Variants in INSC observed in about 807,000 individuals in gnomAD.
The protein encoded by INSC is INSC spindle orientation adaptor protein, also known as protein inscuteable homolog.
INSC carries 67 observed loss-of-function variants against 58.6 expected under a neutral mutation model. The observed-to-expected ratio is 1.14, with a 90% CI of 0.94 to 1.40. The LOEUF (loss-of-function observed/expected upper bound fraction) is 1.40. Ranked by LOEUF, INSC falls within the 40% of genes most tolerant of loss-of-function variation. INSC has a pLI of 0.00. For missense variants in INSC, 714 were observed against 692.0 expected (o/e 1.03, Z -0.36); for synonymous variants, 262 against 276.1 (o/e 0.95, Z 0.51).
At chr11:15,200,530 C>G (rs1013838901) in intron 6 of INSC, among the ~76,000 whole-genome samples, 4 of 152,036 alleles carry the variant, frequency 2.6e-5, no homozygotes, top group Non-Finnish European at 4.4e-5. Flanking sequence ...GGGTACTGAT[C>G]GCCAGCCCTA....
intron 7 of INSC, among the ~76,000 whole-genome samples, chr11:15,218,364 A>T (rs375400719): frequency 6.6e-6 from 1 of 152,302 alleles, no homozygotes; most frequent in South Asian, 2.1e-4. Context: ...CTCTGAGGAA[A>T]ACAAGGGAAT....
intron 6 of INSC, among the ~76,000 whole-genome samples, chr11:15,196,496 T>C (rs1022309840): frequency 3.3e-5 from 5 of 152,152 alleles, no homozygotes; most frequent in African/African-American, 1.2e-4. Flanking sequence ...AACAAATCTG[T>C]CTCCCTCCTA....
rs575174384 is a variant in INSC at position 15,176,434 on chromosome 11, C to T, written c.402+348C>T. On this transcript the variant is annotated intron_variant, in intron 3 of 12. Coordinates refer to ENST00000379556, the MANE Select transcript of INSC (RefSeq NM_001042536.3). ...ATGTGGACCTCAGCAAGTTACTTAA[C>T]TTCTCTGTGTCCCAGTTCCTTCATC... 4.7e-4 allele frequency among the ~76,000 whole-genome samples: 71 copies of T among 152,104 alleles called. No homozygotes were observed. The South Asian group carries it at 0.015, about 31-fold the overall frequency.
At chr11:15,240,574 C>A (rs1353637523) in intron 12 of INSC, 51 bp downstream of exon 12, 1 of 1,491,778 alleles carries the variant, frequency 6.7e-7, no homozygotes, top group Non-Finnish European at 9.3e-7. Context: ...GGAATGCAGC[C>A]AAGGGGGCCA....
At chr11:15,226,476 A>G (rs1851643472) in intron 9 of INSC, among the ~76,000 whole-genome samples, 1 of 152,136 alleles carries the variant, frequency 6.6e-6, no homozygotes, top group African/African-American at 2.4e-5. Flanking sequence ...TTGAACTCTG[A>G]TGTTCTAGAA....
chr11:15,230,812 A>G (rs571721600), intron 9 of INSC, among the ~76,000 whole-genome samples: 2 of 152,344 alleles, frequency 1.3e-5, no homozygotes, highest in South Asian at 4.1e-4. Context: ...CCTGTTTGCC[A>G]GCAGCACGGG....
chr11:15,260,044 G>T, the INSC span, among the ~76,000 whole-genome samples: 2 of 152,154 alleles, frequency 1.3e-5, no homozygotes, highest in African/African-American at 4.8e-5. Flanking sequence ...ATAGAACTTT[G>T]GTTTTATATC....
upstream of INSC, chr11:15,112,586 A>ATGTGTG: frequency 1.1e-6 from 1 of 887,426 alleles, no homozygotes. Context: ...GGGAAGGTGG[A>ATGTGTG]TGTGAGTGTG....
At chr11:15,179,431 A>G (rs1849684615) in intron 5 of INSC, among the ~76,000 whole-genome samples, 1 of 152,218 alleles carries the variant, frequency 6.6e-6, no homozygotes, top group Non-Finnish European at 1.5e-5. Flanking sequence ...ATCTCTTTCC[A>G]TGTCGGCTCC....
chr11:15,262,223 C>T, the INSC span, among the ~76,000 whole-genome samples: 1 of 151,982 alleles, frequency 6.6e-6, no homozygotes, highest in African/African-American at 2.4e-5. Context: ...CTGACTGACA[C>T]ACATTGAAAA....
At chr11:15,237,644 C>A (rs1167948490) in intron 10 of INSC, among the ~76,000 whole-genome samples, 1 of 152,136 alleles carries the variant, frequency 6.6e-6, no homozygotes, top group African/African-American at 2.4e-5. Flanking sequence ...CTGGACAGGG[C>A]AAATCTTGTT....
chr11:15,260,458 G>A, the INSC span, among the ~76,000 whole-genome samples: 1 of 152,138 alleles, frequency 6.6e-6, no homozygotes, highest in Non-Finnish European at 1.5e-5. Flanking sequence ...GTAAATCTCA[G>A]TCAGCCACTT....
At chr11:15,198,683 T>A (rs1850463642) in intron 6 of INSC, among the ~76,000 whole-genome samples, 1 of 152,126 alleles carries the variant, frequency 6.6e-6, no homozygotes, top group Non-Finnish European at 1.5e-5. Flanking sequence ...TATATGTATA[T>A]ATATTTACAT....
At chr11:15,127,358 G>A (rs902772305) in intron 1 of INSC, among the ~76,000 whole-genome samples, 4 of 152,226 alleles carry the variant, frequency 2.6e-5, no homozygotes, top group African/African-American at 9.6e-5. Context: ...ATTTCAAACC[G>A]AAGTGTCTTT....
intron 1 of INSC, among the ~76,000 whole-genome samples, chr11:15,124,764 C>T (rs1214819666): frequency 6.6e-6 from 1 of 152,122 alleles, no homozygotes. Context: ...TGGCGGCTGA[C>T]AGGGCTGGAA....
intron 7 of INSC, among the ~76,000 whole-genome samples, chr11:15,215,422 T>C (rs1016963479): frequency 3.9e-5 from 6 of 152,196 alleles, no homozygotes; most frequent in African/African-American, 9.6e-5. Context: ...GGGCCCATCA[T>C]GGGAACTAAG....
chr11:15,154,118 G>A (rs943089582), intron 2 of INSC, among the ~76,000 whole-genome samples: 3 of 152,350 alleles, frequency 2.0e-5, no homozygotes, highest in East Asian at 3.8e-4. Flanking sequence ...TCTGCTCAAG[G>A]ATAAATGTTC....
chr11:15,131,410 A>G (rs919989706), intron 1 of INSC, among the ~76,000 whole-genome samples: 3 of 149,060 alleles, frequency 2.0e-5, no homozygotes, highest in South Asian at 4.2e-4. Flanking sequence ...GTAGTTGATT[A>G]AAAAAAAAAG....
At chr11:15,198,692 A>G (rs1850463886) in intron 6 of INSC, among the ~76,000 whole-genome samples, 1 of 152,124 alleles carries the variant, frequency 6.6e-6, no homozygotes, top group Admixed American at 6.6e-5. Context: ...ATATATTTAC[A>G]TCTGGAAGAA....
Sources: gnomAD v4.1 joint callset for allele counts (sites outside exome capture counted in the v4.1 genomes callset) on GRCh38, gnomAD v4.1.1 for gene constraint, MANE v1.5 for transcripts, NCBI Gene and HGNC (gene_info 2026-07-23, HGNC 2026-07-21) for gene names.